The following POLR1D variants were observed in gnomAD, a reference collection of about 807,000 sequenced individuals.
POLR1D encodes the protein RNA polymerase I and III subunit D.
In POLR1D, 8 loss-of-function variants were observed where a neutral mutation model predicts 10.8. The ratio of observed to expected loss-of-function variants is 0.74; its 90% CI spans 0.43 to 1.33. POLR1D has a LOEUF of 1.33. Among genes scored for constraint, POLR1D ranks in the 40% most tolerant of loss-of-function variants. The pLI is 0.01. For missense variants in POLR1D, 152 were observed against 161.7 expected (o/e 0.94, Z 0.32); for synonymous variants, 54 against 57.2 (o/e 0.94, Z 0.25).
intron 2 of POLR1D, among the ~76,000 whole-genome samples, chr13:27,652,928 T>TC (rs1956279621): frequency 7.0e-6 from 1 of 142,798 alleles, no homozygotes; most frequent in Admixed American, 6.9e-5. Context: ...TTTTTTTTTT[T>TC]TTTTTTTTTG....
downstream of POLR1D, among the ~76,000 whole-genome samples, chr13:27,625,013 A>G (rs1955994840): frequency 6.6e-6 from 1 of 152,208 alleles, no homozygotes; most frequent in African/African-American, 2.4e-5. Flanking sequence ...TAGAGATTAC[A>G]GGAAGGGAGA....
At chr13:27,653,020 T>C (rs1051788929) in intron 2 of POLR1D, among the ~76,000 whole-genome samples, 2 of 134,572 alleles carry the variant, frequency 1.5e-5, no homozygotes, top group African/African-American at 5.7e-5. Flanking sequence ...TGCCTCAGCC[T>C]CCCGAGTAGC....
intron 1 of POLR1D, 160 bp downstream of exon 1, chr13:27,622,169 G>C (rs1955943957): frequency 3.0e-6 from 2 of 677,362 alleles, no homozygotes; most frequent in Admixed American, 4.6e-5. Context: ...TTTCAGTTGA[G>C]AGGCTGAGAG....
downstream of POLR1D, among the ~76,000 whole-genome samples, chr13:27,623,777 G>A (rs554909243): frequency 4.5e-4 from 69 of 152,268 alleles, no homozygotes; most frequent in Non-Finnish European, 8.1e-4. Flanking sequence ...GCAAGGGTGG[G>A]AATAATTTGG....
At position 27,663,952 on chromosome 13, in the gene POLR1D, C is replaced by T. The variant is rs543534253; in HGVS notation, c.102-1734C>T. On this transcript the variant is annotated intron_variant, in intron 2 of 2. Coordinates refer to the POLR1D transcript ENST00000399697. This position sits in a 1 kb window ranked among gnomAD's most constrained non-coding sequence, Gnocchi z 4.1. ...AAAGACAGGCCCTCTAAGCTTTTTA[C>T]TCTCTGTGATGGAGGGTAGTTTTTC... 6.6e-6 allele frequency among the ~76,000 whole-genome samples: 1 copy of T among 152,326 alleles called. No individual in the cohort carries two copies. Among genetic ancestry groups the T allele is most frequent in the Admixed American group, 6.5e-5 (1 of 15,304 alleles).
chr13:27,642,817 TATC>T (rs1956187554), intron 1 of POLR1D, among the ~76,000 whole-genome samples: 1 of 152,238 alleles, frequency 6.6e-6, no homozygotes, highest in Admixed American at 6.5e-5. Flanking sequence ...AAGTAATTAT[TATC>T]ATCATTGCAA....
chr13:27,622,043 C>G (rs1955938936), intron 1 of POLR1D, 34 bp downstream of exon 1: 3 of 1,563,000 alleles, frequency 1.9e-6, no homozygotes, highest in South Asian at 2.3e-5. Context: ...CGGAGCGGGC[C>G]GCGCCCAAGG....
At chr13:27,665,025 T>C (rs897262272) in intron 2 of POLR1D, 1 of 152,766 alleles carries the variant, frequency 6.5e-6, no homozygotes, top group Admixed American at 6.5e-5. Context: ...TTGCAGCCTC[T>C]CCTAGGTAAA....
At chr13:27,655,704 G>A (rs1275145301) in intron 2 of POLR1D, among the ~76,000 whole-genome samples, 1 of 152,120 alleles carries the variant, frequency 6.6e-6, no homozygotes, top group Non-Finnish European at 1.5e-5. Flanking sequence ...ATATTTTTGG[G>A]AGGAATGAGA....
chr13:27,621,618 T>G (rs1955920260), upstream of POLR1D: 1 of 166,022 alleles, frequency 6.0e-6, no homozygotes. Context: ...CCCTTCGCCA[T>G]CACCTGGGGA....
intron 2 of POLR1D, among the ~76,000 whole-genome samples, chr13:27,653,282 CT>C (rs568502424): frequency 1.3e-5 from 2 of 151,848 alleles, no homozygotes; most frequent in African/African-American, 4.8e-5. Flanking sequence ...GAAATTTCAT[CT>C]TTTTTTTCAT....
chr13:27,648,851 A>G (rs905232360), intron 2 of POLR1D, among the ~76,000 whole-genome samples: 2 of 152,238 alleles, frequency 1.3e-5, no homozygotes, highest in Admixed American at 6.5e-5. Context: ...AACTGTAAGC[A>G]TTTTGATTAT....
intron 2 of POLR1D, among the ~76,000 whole-genome samples, chr13:27,654,124 CT>C (rs1279923400): frequency 6.6e-6 from 1 of 152,184 alleles, no homozygotes; most frequent in African/African-American, 2.4e-5. Context: ...ATTTCAATAA[CT>C]TTTTCAGAAG....
chr13:27,622,722 G>A (rs960174982), intron 1 of POLR1D, 153 bp from the exon 2 acceptor site: 3 of 623,472 alleles, frequency 4.8e-6, no homozygotes, highest in African/African-American at 3.7e-5. Flanking sequence ...TATTGATAGA[G>A]TTTGTGGAGG....
downstream of POLR1D, among the ~76,000 whole-genome samples, chr13:27,627,727 G>GTTTTTTT (rs57621806): frequency 5.2e-4 from 50 of 95,378 alleles, 1 homozygote; most frequent in South Asian, 1.6e-3. Flanking sequence ...TAAAGTTTTA[G>GTTTTTTT]TTTTTTTTTT....
At chr13:27,627,204 C>G (rs987026715), downstream of POLR1D, among the ~76,000 whole-genome samples, 1 of 152,068 alleles carries the variant, frequency 6.6e-6, no homozygotes, top group Non-Finnish European at 1.5e-5. Flanking sequence ...CCAGCCTTTT[C>G]TTGCTCAAAT....
intron 1 of POLR1D, among the ~76,000 whole-genome samples, chr13:27,636,094 A>G (rs1456844438): frequency 6.6e-6 from 1 of 152,216 alleles, no homozygotes; most frequent in Admixed American, 6.5e-5. Context: ...ATTGCAGATC[A>G]CAATAATCAT....
chr13:27,656,483 CAA>C (rs1956309317), intron 2 of POLR1D, among the ~76,000 whole-genome samples: 1 of 150,226 alleles, frequency 6.7e-6, no homozygotes, highest in African/African-American at 2.4e-5. Flanking sequence ...AACAGAATGA[CAA>C]AGATTCCTGC....
rs187095272 is a variant in POLR1D at position 27,633,944 on chromosome 13, C to A, written c.26+11935C>A. Among the ~76,000 whole-genome samples, 506 of 152,160 alleles carry A rather than the reference C, an allele frequency of 3.3e-3. 5 individuals carry two copies. The highest frequency in any genetic ancestry group is 0.012 in the African/African-American group (483 of 41,488). ...ATAAGCTTCATTTATCTCTTCATTCCCTGAAGATGAGGAGTAAGAGAGTAC... is the reference window on the plus strand; with the variant it reads ...ATAAGCTTCATTTATCTCTTCATTCACTGAAGATGAGGAGTAAGAGAGTAC... On this transcript the variant is annotated intron_variant, in intron 1 of 2. Transcript: ENST00000399697.
Sources: gnomAD v4.1 joint callset for allele counts (sites outside exome capture counted in the v4.1 genomes callset) on GRCh38, gnomAD v4.1.1 for gene constraint, Gnocchi (gnomAD v3.1) non-coding constraint, MANE v1.5 for transcripts, NCBI Gene and HGNC (gene_info 2026-07-23, HGNC 2026-07-21) for gene names.